The following DERL1 variants were observed in gnomAD, a reference collection of about 807,000 sequenced individuals.
DERL1 encodes the protein derlin 1.
DERL1 carries 24 observed loss-of-function variants against 41.6 expected under a neutral mutation model. That is an observed-to-expected ratio of 0.58 (90% CI 0.42 to 0.81). The LOEUF is 0.81. Ranked by LOEUF, DERL1 falls within the 30% of genes least tolerant of loss-of-function variation. The probability of loss-of-function intolerance (pLI) is 0.00; values close to 1 mark genes in which losing one functional copy is unlikely to be tolerated. For missense variants in DERL1, 260 were observed against 314.3 expected, an observed-to-expected ratio of 0.83 and a Z score of 1.31; for synonymous variants, 124 against 112.5, an observed-to-expected ratio of 1.10 and a Z score of -0.65.
chr8:123,038,715 A>G (rs986943280), intron 1 of DERL1, among the ~76,000 whole-genome samples: 2 of 152,216 alleles, frequency 1.3e-5, no homozygotes, highest in Non-Finnish European at 2.9e-5. Flanking sequence ...TCCTTCTCAC[A>G]CATTAATATG....
At chr8:123,021,252 A>G (rs1814757012) in intron 6 of DERL1, among the ~76,000 whole-genome samples, 195 bp downstream of exon 6, 1 of 152,212 alleles carries the variant, frequency 6.6e-6, no homozygotes, top group Admixed American at 6.5e-5. Flanking sequence ...CAAAATCACA[A>G]CCATTCAAGG....
intron 7 of DERL1, 35 bp from the exon 8 acceptor site, chr8:123,015,620 A>G (rs1411872712): frequency 4.4e-6 from 7 of 1,592,716 alleles, no homozygotes; most frequent in African/African-American, 1.3e-5. Flanking sequence ...AACGGAGAGA[A>G]GAGAACAAAG....
chr8:123,038,044 G>C lies in DERL1; in HGVS notation c.153+3926C>G, dbSNP rs889734301. 2.6e-5 allele frequency among the ~76,000 whole-genome samples: 4 copies of C among 152,176 alleles called. 1 individual carries two copies. In the South Asian group the frequency reaches 8.3e-4, roughly 32 times the overall value. On this transcript the variant is annotated intron_variant, in intron 1 of 7. Coordinates refer to ENST00000259512, the MANE Select transcript of DERL1 (RefSeq NM_024295.6). ...GAGAAATCGTAGACAACAGTATAAT[G>C]AGTCTTAACACACACCTGTTTCAAC...
chr8:123,035,856 G>GT (rs149391355), intron 1 of DERL1, among the ~76,000 whole-genome samples: 9,182 of 147,148 alleles, frequency 0.062, 351 homozygotes, highest in South Asian at 0.097. Context: ...AGAATCTAGT[G>GT]TTTTTTTTTT....
intron 3 of DERL1, 93 bp downstream of exon 3, chr8:123,024,893 G>A (rs921030394): frequency 8.4e-6 from 11 of 1,310,650 alleles, no homozygotes; most frequent in South Asian, 1.5e-5. Flanking sequence ...TGCAAATATT[G>A]TAATTTGAAA....
At chr8:123,036,076 T>TA (rs1426880197) in intron 1 of DERL1, among the ~76,000 whole-genome samples, 7 of 152,136 alleles carry the variant, frequency 4.6e-5, no homozygotes, top group Non-Finnish European at 7.4e-5. Flanking sequence ...GAAAGGCACT[T>TA]AATCTTTAAA....
chr8:123,030,806 T>G, intron 1 of DERL1, 90 bp from the exon 2 acceptor site: 1 of 876,226 alleles, frequency 1.1e-6, no homozygotes. Context: ...CAAAGCATCC[T>G]CCTCAATGAG....
chr8:123,032,236 G>A (rs528212886), intron 1 of DERL1, among the ~76,000 whole-genome samples: 2 of 151,386 alleles, frequency 1.3e-5, no homozygotes, highest in East Asian at 3.9e-4. Flanking sequence ...CTGGACTCAG[G>A]TGATTCTCCC....
rs552787449 is a variant in DERL1, at chr8:123,035,094, T to G, written c.154-4378A>C. On this transcript the variant is annotated intron_variant, in intron 1 of 7. Transcript: ENST00000259512. ...CTATAAGTTACTCAAGGCCTGGTTT[T>G]GGAAAAGAAACCTTGTTTTTGTCTG... is the stretch of plus-strand genomic sequence containing the variant. 2.2e-4 allele frequency among the ~76,000 whole-genome samples: 33 copies of G among 152,346 alleles called. No individual in the cohort carries two copies. In the South Asian group the frequency reaches 3.3e-3, roughly 15 times the overall value.
intron 7 of DERL1, 86 bp from the exon 8 acceptor site, chr8:123,015,671 T>A (rs1814549184): frequency 6.8e-7 from 1 of 1,467,642 alleles, no homozygotes; most frequent in Admixed American, 2.3e-5. Flanking sequence ...AACACCTCCC[T>A]CTCCTGCTGT....
intron 7 of DERL1, chr8:123,017,181 T>C (rs1212392532): frequency 6.6e-6 from 1 of 152,168 alleles, no homozygotes; most frequent in Non-Finnish European, 1.5e-5. Flanking sequence ...AGAGAAGATA[T>C]AACTACTCTA....
At chr8:123,022,560 G>T in intron 5 of DERL1, 124 bp downstream of exon 5, 2 of 840,398 alleles carry the variant, frequency 2.4e-6, no homozygotes, top group Non-Finnish European at 3.9e-6. Context: ...GCAGAAAGGG[G>T]CTTGCCTATG....
At chr8:123,039,466 T>C (rs1812998457) in intron 1 of DERL1, among the ~76,000 whole-genome samples, 1 of 152,220 alleles carries the variant, frequency 6.6e-6, no homozygotes, top group Non-Finnish European at 1.5e-5. Context: ...ATCCTCACCC[T>C]ACAGCTGACC....
At chr8:123,028,004 G>A (rs774032099) in intron 2 of DERL1, among the ~76,000 whole-genome samples, 2 of 148,758 alleles carry the variant, frequency 1.3e-5, no homozygotes, top group Non-Finnish European at 3.0e-5. Context: ...AGAGGTTGCA[G>A]TGAGCTGAGA....
Position 123,042,116 on chromosome 8 carries a change from C to G in DERL1, c.7G>C (p.Asp3His). The G allele has an allele frequency of 6.2e-7, 1 of 1,607,536 alleles. No homozygotes were observed. The highest frequency in any genetic ancestry group is 8.5e-7 in the Non-Finnish European group (1 of 1,175,568). Residue 3 changes from aspartate (D) to histidine (H), a missense_variant, in exon 1 of 8, where the codon GAC (aspartate) becomes CAC (histidine). By Grantham distance (81) the Asp-to-His change is moderately conservative. Transcript: ENST00000259512. MS[D>H]IGDWFRSIPA... is the part of the protein sequence containing the mutation. ...ATGCTCCTGAACCAGTCTCCGATGT[C>G]CGACATCTTCGACCCACAGGTAGCC...
At chr8:123,021,364 T>C in intron 6 of DERL1, 83 bp downstream of exon 6, 1 of 1,279,630 alleles carries the variant, frequency 7.8e-7, no homozygotes, top group South Asian at 1.2e-5. Context: ...TCTTTAAAGT[T>C]GTATAAAGGT....
Position 123,030,617 on chromosome 8 carries a change from G to C in DERL1, c.253C>G (p.Arg85Gly). The C allele has an allele frequency of 1.3e-6, 2 of 1,595,474 alleles. No individual in the cohort carries two copies. Among genetic ancestry groups the C allele is most frequent in the South Asian group, 1.1e-5 (1 of 88,206 alleles). Reference protein sequence around the residue: ...NLYFLYQYSTRLETGAFDGRP... With the variant: ...NLYFLYQYSTGLETGAFDGRP... ...ATGGGTAACATACCTGTTTCAAGTC[G>C]CGTAGAATACTGATATAAGAAATAT... Residue 85 changes from arginine to glycine, a missense_variant, in exon 2 of 8, where the codon CGA becomes GGA. Arg to Gly is a moderately radical substitution (Grantham distance 125). Coordinates refer to ENST00000259512, the MANE Select transcript of DERL1 (RefSeq NM_024295.6).
intron 1 of DERL1, among the ~76,000 whole-genome samples, chr8:123,035,704 GTGCTCA>G (rs908096239): frequency 1.2e-4 from 18 of 152,194 alleles, no homozygotes; most frequent in Non-Finnish European, 2.9e-5. Flanking sequence ...TGTAGCCCAT[GTGCTCA>G]CTGCTATATA....
At chr8:123,025,191 T>G in intron 2 of DERL1, 141 bp from the exon 3 acceptor site, 1 of 831,536 alleles carries the variant, frequency 1.2e-6, no homozygotes, top group Non-Finnish European at 1.8e-6. Flanking sequence ...AAAAGTGAAT[T>G]TTTAAAAATA....
Sources: allele counts gnomAD v4.1 joint callset (sites outside exome capture counted in the v4.1 genomes callset), GRCh38; gene constraint gnomAD v4.1.1; transcripts MANE v1.5; gene names NCBI Gene and HGNC (gene_info 2026-07-23, HGNC 2026-07-21).